PARVA: variants seen among roughly 807,000 people sequenced by gnomAD.
PARVA encodes the protein parvin alpha.
A neutral mutation model predicts 52.6 loss-of-function variants in PARVA; 25 were observed. The ratio of observed to expected loss-of-function variants is 0.48; its 90% CI spans 0.35 to 0.66. PARVA has a LOEUF of 0.66. PARVA is among the 30% of genes least tolerant of loss of function. The pLI is 0.01. For missense variants in PARVA, 373 were observed against 450.9 expected (o/e 0.83, Z 1.56); for synonymous variants, 185 against 179.1 (o/e 1.03, Z -0.26).
intron 1 of PARVA, among the ~76,000 whole-genome samples, chr11:12,463,037 A>G (rs191100989): frequency 2.6e-4 from 40 of 151,614 alleles, no homozygotes; most frequent in Middle Eastern, 3.4e-3. Context: ...CATGAACACT[A>G]TATATTTTTA....
At chr11:12,393,071 A>AG (rs1939685194) in intron 1 of PARVA, among the ~76,000 whole-genome samples, 1 of 150,008 alleles carries the variant, frequency 6.7e-6, no homozygotes, top group African/African-American at 2.5e-5. Context: ...AAAAAAAGAA[A>AG]GAAAAAAAAT....
At chr11:12,438,264 A>G (rs984426731) in intron 1 of PARVA, among the ~76,000 whole-genome samples, 2 of 151,704 alleles carry the variant, frequency 1.3e-5, no homozygotes, top group African/African-American at 4.8e-5. Context: ...CATCTCAAAA[A>G]AAAAAAAAAA....
intron 1 of PARVA, among the ~76,000 whole-genome samples, chr11:12,378,860 C>T (rs1939444655): frequency 6.6e-6 from 1 of 152,070 alleles, no homozygotes; most frequent in Admixed American, 6.5e-5. Context: ...GTCCAGACCC[C>T]AAGAGAGGGT....
intron 1 of PARVA, among the ~76,000 whole-genome samples, chr11:12,470,834 G>T (rs1940923631): frequency 6.6e-6 from 1 of 152,134 alleles, no homozygotes; most frequent in African/African-American, 2.4e-5. Context: ...TTACATTTTT[G>T]TAGAACATTC....
At chr11:12,457,549 T>G (rs1940714615) in intron 1 of PARVA, among the ~76,000 whole-genome samples, 1 of 152,218 alleles carries the variant, frequency 6.6e-6, no homozygotes, top group African/African-American at 2.4e-5. Flanking sequence ...CCTTCCCCAT[T>G]CCAGCTTCTT....
intron 1 of PARVA, among the ~76,000 whole-genome samples, chr11:12,384,411 A>G (rs1939541186): frequency 6.6e-6 from 1 of 152,248 alleles, no homozygotes; most frequent in African/African-American, 2.4e-5. Flanking sequence ...AAGGAAAACA[A>G]AACAAAAACT....
At chr11:12,438,059 G>A (rs1940411802) in intron 1 of PARVA, among the ~76,000 whole-genome samples, 1 of 152,044 alleles carries the variant, frequency 6.6e-6, no homozygotes. Flanking sequence ...AGGAGATCGA[G>A]ACCATCCTGG....
intron 1 of PARVA, among the ~76,000 whole-genome samples, chr11:12,466,077 C>T (rs1285507196): frequency 6.6e-6 from 1 of 152,132 alleles, no homozygotes; most frequent in Non-Finnish European, 1.5e-5. Flanking sequence ...GGTGTTTTGT[C>T]ATTCCCTAAT....
chr11:12,526,596 C>T (rs1315197865), intron 12 of PARVA, among the ~76,000 whole-genome samples: 1 of 152,202 alleles, frequency 6.6e-6, no homozygotes, highest in African/African-American at 2.4e-5. Flanking sequence ...GTAATGCCGG[C>T]TCCCAAGAGC....
Position 12,518,447 on chromosome 11 carries a change from C to G in PARVA, c.972C>G (p.Val324=), listed in dbSNP as rs775466267. ...GCTGTCTGCATCTCTCTTGCCAGGT[C>G]TTGAATGTCTCCTTTGCCTTTGAGC... The part of the protein sequence containing the change: ...FLTPDSFEQK[V]LNVSFAFELM... The change falls in exon 12 of 13, where the codon GTC becomes GTG. Residue 324 remains valine (V), a splice_region_variant and synonymous_variant. Coordinates refer to ENST00000334956, the MANE Select transcript of PARVA (RefSeq NM_018222.5). 3.4e-5 allele frequency: 55 copies of G among 1,613,132 alleles called. No individual in the cohort carries two copies. The East Asian group carries it at 1.2e-3, about 34-fold the overall frequency.
At chr11:12,439,062 A>G (rs572647692) in intron 1 of PARVA, among the ~76,000 whole-genome samples, 1 of 152,340 alleles carries the variant, frequency 6.6e-6, no homozygotes, top group Admixed American at 6.5e-5. Context: ...GAGAGGATGC[A>G]TGAATAAGAC....
chr11:12,523,353 A>C (rs574395231), intron 12 of PARVA, among the ~76,000 whole-genome samples: 7 of 152,282 alleles, frequency 4.6e-5, no homozygotes, highest in Admixed American at 2.6e-4. Flanking sequence ...ACCAGCTGCC[A>C]GCCCTGAGCC....
At chr11:12,459,874 T>G (rs1940753016) in intron 1 of PARVA, among the ~76,000 whole-genome samples, 2 of 152,200 alleles carry the variant, frequency 1.3e-5, no homozygotes, top group African/African-American at 4.8e-5. Flanking sequence ...TTTTCTTTTA[T>G]AGTCAGAAAA....
intron 10 of PARVA, among the ~76,000 whole-genome samples, chr11:12,514,903 T>C (rs1941549624): frequency 6.6e-6 from 1 of 152,246 alleles, no homozygotes; most frequent in East Asian, 1.9e-4. Context: ...GTCTCTTTAG[T>C]CTCTTTTTAA....
At chr11:12,511,685 A>C (rs1408603416) in intron 8 of PARVA, among the ~76,000 whole-genome samples, 152 bp downstream of exon 8, 1 of 152,146 alleles carries the variant, frequency 6.6e-6, no homozygotes, top group African/African-American at 2.4e-5. Flanking sequence ...TGGGAGGGAC[A>C]GCTTACTGGC....
chr11:12,408,660 A>AG (rs1939948628), intron 1 of PARVA, among the ~76,000 whole-genome samples: 1 of 152,142 alleles, frequency 6.6e-6, no homozygotes, highest in Admixed American at 6.5e-5. Flanking sequence ...TGCTCACTTA[A>AG]CAAATATTTC....
At chr11:12,404,044 C>A (rs765054308) in intron 1 of PARVA, among the ~76,000 whole-genome samples, 2 of 152,012 alleles carry the variant, frequency 1.3e-5, no homozygotes, top group Admixed American at 6.6e-5. Flanking sequence ...GATATTTCAG[C>A]ATTTCTTATA....
intron 1 of PARVA, among the ~76,000 whole-genome samples, chr11:12,421,556 G>A (rs187805512): frequency 4.6e-5 from 7 of 152,320 alleles, no homozygotes; most frequent in Admixed American, 4.6e-4. Flanking sequence ...AAGATAGCCA[G>A]AGGGGCCTCT....
At chr11:12,457,561 T>C (rs538647138) in intron 1 of PARVA, among the ~76,000 whole-genome samples, 1 of 152,308 alleles carries the variant, frequency 6.6e-6, no homozygotes, top group South Asian at 2.1e-4. Context: ...CAGCTTCTTT[T>C]CTTAAAGCCC....
Sources: allele counts gnomAD v4.1 joint callset (sites outside exome capture counted in the v4.1 genomes callset), GRCh38; gene constraint gnomAD v4.1.1; transcripts MANE v1.5; gene names NCBI Gene and HGNC (gene_info 2026-07-23, HGNC 2026-07-21).